Variants in PTPRM observed in about 807,000 individuals in gnomAD.
The protein encoded by PTPRM is protein tyrosine phosphatase receptor type M.
In PTPRM, 47 loss-of-function variants were observed where a neutral mutation model predicts 186.7. The observed-to-expected ratio is 0.25, with a 90% CI of 0.20 to 0.32. The LOEUF (loss-of-function observed/expected upper bound fraction) is 0.32, where lower values mean the gene tolerates loss of function less well. Among genes scored for constraint, PTPRM ranks in the 10% least tolerant of loss-of-function variants. The probability of loss-of-function intolerance (pLI) is 1.00; values close to 1 mark genes in which losing one functional copy is unlikely to be tolerated. For synonymous variants in PTPRM, 668 were observed against 674.9 expected (o/e 0.99, Z 0.16); for missense variants, 1,494 against 1,865.0 (o/e 0.80, Z 3.66).
At chr18:8,237,843 C>T (rs1455020271) in intron 14 of PTPRM, among the ~76,000 whole-genome samples, 1 of 152,108 alleles carries the variant, frequency 6.6e-6, no homozygotes, top group Non-Finnish European at 1.5e-5. Flanking sequence ...GTGGCTTTTT[C>T]CTTCAACATA....
intron 11 of PTPRM, among the ~76,000 whole-genome samples, chr18:8,091,778 A>C (rs1206546019): frequency 6.6e-6 from 1 of 152,150 alleles, no homozygotes; most frequent in Non-Finnish European, 1.5e-5. Flanking sequence ...AATTTCATGT[A>C]ATGTTTAGAC....
At chr18:7,618,269 G>A (rs947728454) in intron 1 of PTPRM, among the ~76,000 whole-genome samples, 4 of 152,150 alleles carry the variant, frequency 2.6e-5, no homozygotes, top group African/African-American at 9.7e-5. Context: ...GAAGAGTCCT[G>A]AGTTAATGGC....
chr18:8,145,795 C>T (rs1012776378), intron 14 of PTPRM, among the ~76,000 whole-genome samples: 1 of 152,128 alleles, frequency 6.6e-6, no homozygotes, highest in Non-Finnish European at 1.5e-5. Flanking sequence ...ATAAACATAC[C>T]TATACATGTA....
At chr18:7,578,270 C>T (rs1382637597) in intron 1 of PTPRM, among the ~76,000 whole-genome samples, 1 of 151,970 alleles carries the variant, frequency 6.6e-6, no homozygotes, top group East Asian at 1.9e-4. Flanking sequence ...CTCGAGCGAT[C>T]CTCCCACCTC....
chr18:7,663,282 TAACTC>T lies in PTPRM; in HGVS notation c.73+95392_73+95396del, dbSNP rs536870454. ...CAGTATTTTAAACTAGTTAAAAACT[TAACTC>T]TACTGGTGACCACCTAAAGATCAAG... is the stretch of plus-strand genomic sequence containing the variant. On this transcript the variant is annotated intron_variant, in intron 1 of 32. Transcript: ENST00000580170. Among the ~76,000 whole-genome samples, 374 of 152,284 alleles carry T rather than the reference TAACTC, an allele frequency of 2.5e-3. 1 individual carries two copies. Among genetic ancestry groups the T allele is most frequent in the African/African-American group, 8.2e-3 (342 of 41,550 alleles).
intron 5 of PTPRM, among the ~76,000 whole-genome samples, chr18:7,944,359 T>A (rs578025981): frequency 6.6e-6 from 1 of 152,352 alleles, no homozygotes; most frequent in Non-Finnish European, 1.5e-5. Context: ...TTGTGTCATT[T>A]GTTACTATGA....
At chr18:7,786,686 C>T (rs1466637790) in intron 2 of PTPRM, among the ~76,000 whole-genome samples, 1 of 152,188 alleles carries the variant, frequency 6.6e-6, no homozygotes, top group Non-Finnish European at 1.5e-5. Flanking sequence ...TATTACACAC[C>T]TTGTGAAAAT....
intron 22 of PTPRM, among the ~76,000 whole-genome samples, chr18:8,320,614 G>A (rs1340812697): frequency 1.3e-5 from 2 of 152,208 alleles, no homozygotes; most frequent in Non-Finnish European, 2.9e-5. Context: ...GCATTGGACA[G>A]CAAAGCTTTG....
intron 14 of PTPRM, among the ~76,000 whole-genome samples, chr18:8,199,529 A>G (rs1166447829): frequency 6.6e-6 from 1 of 152,204 alleles, no homozygotes; most frequent in African/African-American, 2.4e-5. Flanking sequence ...TAGCTCCATA[A>G]CAAAAGATAG....
chr18:7,777,962 A>T (rs1272047324), intron 2 of PTPRM, among the ~76,000 whole-genome samples: 1 of 152,204 alleles, frequency 6.6e-6, no homozygotes, highest in African/African-American at 2.4e-5. Context: ...CACCCTGGAC[A>T]ACGTGGGAAG....
chr18:7,874,216 G>T (rs972554306), intron 2 of PTPRM, among the ~76,000 whole-genome samples: 1 of 152,080 alleles, frequency 6.6e-6, no homozygotes, highest in Non-Finnish European at 1.5e-5. Flanking sequence ...ATAAGTTTGT[G>T]GTCAGTTAAG....
rs148749403 is a variant in PTPRM at position 8,314,269 on chromosome 18, G to A, written c.2843-512G>A. 3.9e-5 allele frequency among the ~76,000 whole-genome samples: 6 copies of A among 152,252 alleles called. 1 individual carries two copies. In the East Asian group the frequency reaches 1.2e-3, roughly 29 times the overall value. On this transcript the variant is annotated intron_variant, in intron 20 of 32. Transcript: ENST00000580170. ...CTGGCCTGTGGTCACATGATGGATGGTGACAGCTTTGCTCTTGCTGGCTGA... is the reference window on the plus strand; with the variant it reads ...CTGGCCTGTGGTCACATGATGGATGATGACAGCTTTGCTCTTGCTGGCTGA...
chr18:7,657,042 C>T (rs1213646171), intron 1 of PTPRM, among the ~76,000 whole-genome samples: 1 of 152,188 alleles, frequency 6.6e-6, no homozygotes, highest in African/African-American at 2.4e-5. Context: ...TTCCGACATA[C>T]AATGACCCTT....
At chr18:7,960,644 G>A (rs2053617111) in intron 7 of PTPRM, among the ~76,000 whole-genome samples, 1 of 151,964 alleles carries the variant, frequency 6.6e-6, no homozygotes. Flanking sequence ...TGTAGTCCCA[G>A]CTACTTGGAA....
At chr18:8,068,781 T>TA (rs1487204838) in intron 7 of PTPRM, among the ~76,000 whole-genome samples, 1 of 152,328 alleles carries the variant, frequency 6.6e-6, no homozygotes, top group South Asian at 2.1e-4. Context: ...TGTTTAAAGA[T>TA]AAAACACATG....
chr18:8,104,489 G>A (rs1472886835), intron 11 of PTPRM, among the ~76,000 whole-genome samples: 1 of 152,154 alleles, frequency 6.6e-6, no homozygotes, highest in African/African-American at 2.4e-5. Flanking sequence ...CCATTGTCCA[G>A]GCTGGAGTGC....
intron 1 of PTPRM, among the ~76,000 whole-genome samples, chr18:7,601,841 T>C (rs1403018710): frequency 6.6e-6 from 1 of 152,248 alleles, no homozygotes; most frequent in Admixed American, 6.5e-5. Flanking sequence ...AGTTGCATTG[T>C]ACCCATTTCA....
intron 1 of PTPRM, among the ~76,000 whole-genome samples, chr18:7,624,904 G>T (rs2038023528): frequency 1.3e-5 from 2 of 152,330 alleles, no homozygotes; most frequent in South Asian, 4.1e-4. Flanking sequence ...CCTGGTGTAG[G>T]TGTAGTGAGC....
At chr18:7,754,480 C>T (rs1212266346) in intron 1 of PTPRM, among the ~76,000 whole-genome samples, 4 of 152,164 alleles carry the variant, frequency 2.6e-5, no homozygotes, top group Non-Finnish European at 5.9e-5. Context: ...CATAGGCCAG[C>T]CTTCTAGCTC....
Sources: gnomAD v4.1 joint callset for allele counts (sites outside exome capture counted in the v4.1 genomes callset) on GRCh38, gnomAD v4.1.1 for gene constraint, MANE v1.5 for transcripts, NCBI Gene and HGNC (gene_info 2026-07-23, HGNC 2026-07-21) for gene names.